The following TBC1D8B variants were observed in gnomAD, a reference collection of about 807,000 sequenced individuals.
TBC1D8B encodes TBC1 domain family member 8B, also known as RP11-321G1.1.
A neutral mutation model predicts 82.9 loss-of-function variants in TBC1D8B; 75 were observed. That is an observed-to-expected ratio of 0.90 (90% CI 0.75 to 1.10). TBC1D8B has a LOEUF of 1.10. Ranked by LOEUF, TBC1D8B falls within the 50% of genes least tolerant of loss-of-function variation. TBC1D8B has a pLI of 0.00. For synonymous variants in TBC1D8B, 276 were observed against 276.8 expected (o/e 1.00, Z 0.03); for missense variants, 794 against 796.9 (o/e 1.00, Z 0.04).
chrX:106,849,131 C>T, intron 11 of TBC1D8B: 1 of 716,885 alleles, frequency 1.4e-6, no homozygotes, highest in Non-Finnish European at 2.0e-6. Context: ...TACCTTAAAA[C>T]TTATGAATGG....
intron 7 of TBC1D8B, chrX:106,829,466 A>T (rs1308831099): frequency 9.0e-6 from 1 of 110,781 alleles, no homozygotes; most frequent in African/African-American, 3.3e-5. Context: ...ATGGAACCAA[A>T]AAAGAGCCTG....
chrX:106,851,662 A>G (rs1309570875), intron 12 of TBC1D8B, among the ~76,000 whole-genome samples: 4 of 108,065 alleles, frequency 3.7e-5, no homozygotes, highest in South Asian at 4.2e-4. Flanking sequence ...AGAACATGCG[A>G]TGTTTCATTT....
intron 1 of TBC1D8B, among the ~76,000 whole-genome samples, chrX:106,808,065 TAAC>T (rs1473338419): frequency 9.1e-6 from 1 of 109,413 alleles, no homozygotes; most frequent in Non-Finnish European, 1.9e-5. Flanking sequence ...ATAATAATAA[TAAC>T]AATAATAATA....
chrX:106,864,452 G>A (rs189173795), intron 14 of TBC1D8B, among the ~76,000 whole-genome samples: 134 of 106,147 alleles, frequency 1.3e-3, no homozygotes, highest in African/African-American at 4.4e-3. Flanking sequence ...CCCTCCATAA[G>A]AGAGCAGCAC....
chrX:106,857,409 T>G (rs1401598279), intron 14 of TBC1D8B, among the ~76,000 whole-genome samples: 1 of 111,978 alleles, frequency 8.9e-6, no homozygotes, highest in Non-Finnish European at 1.9e-5. Flanking sequence ...CGCCTCAGCC[T>G]CCCGAAGTGC....
At chrX:106,848,816 C>T (rs1469334071) in intron 11 of TBC1D8B, among the ~76,000 whole-genome samples, 2 of 110,436 alleles carry the variant, frequency 1.8e-5, no homozygotes, top group African/African-American at 3.3e-5. Flanking sequence ...CTTGCTCTGT[C>T]GCCCAGGCTG....
At chrX:106,832,747 T>C (rs568606494) in intron 7 of TBC1D8B, among the ~76,000 whole-genome samples, 1 of 111,815 alleles carries the variant, frequency 8.9e-6, no homozygotes, top group African/African-American at 3.2e-5. Context: ...AGTTATTATC[T>C]TAATAAGATA....
intron 3 of TBC1D8B, 33 bp downstream of exon 3, chrX:106,821,028 T>G (rs200233878): frequency 1.4e-4 from 125 of 875,209 alleles, no homozygotes; most frequent in Non-Finnish European, 1.9e-4. Flanking sequence ...GTAGATGGAG[T>G]GCCAAAACCT....
At position 106,873,656 on chromosome X, in the gene TBC1D8B, T is replaced by C; in HGVS notation, c.3054T>C (p.Val1018=). 8.3e-7 allele frequency: 1 copy of C among 1,211,876 alleles called. No individual in the cohort carries two copies. The highest frequency in any genetic ancestry group is 1.1e-6 in the Non-Finnish European group (1 of 895,426). Residue 1018 remains valine, a synonymous_variant, in exon 21 of 21, where the codon GTT becomes GTC. Transcript: ENST00000357242. Reference sequence around the variant, plus strand: ...AATCATTATATCAAGCCATTGCTGTTGTAACCAGCCTTTTACTCAGGATGG... The same window carrying C: ...AATCATTATATCAAGCCATTGCTGTCGTAACCAGCCTTTTACTCAGGATGG... The part of the protein sequence containing the change: ...EEESLYQAIA[V]VTSLLLRMEE...
At chrX:106,862,765 GGTTTTTTTTT>G (rs1932784618) in intron 14 of TBC1D8B, among the ~76,000 whole-genome samples, 1 of 86,865 alleles carries the variant, frequency 1.2e-5, no homozygotes, top group African/African-American at 4.4e-5. Flanking sequence ...CCTTTGGATG[GGTTTTTTTTT>G]GTTTTTTTTT....
chrX:106,845,762 T>C (rs2147757031), intron 10 of TBC1D8B, among the ~76,000 whole-genome samples: 1 of 111,126 alleles, frequency 9.0e-6, no homozygotes, highest in African/African-American at 3.3e-5. Context: ...CCCCCACTTT[T>C]CTTTTAACAC....
rs752674059 is a variant in TBC1D8B at position 106,850,139 on chromosome X, T to A, written c.1952T>A (p.Leu651His). ...TCCTCAGTTTCTCTCTCTTGGTTTC[T>A]CACACTTTTTATTAGTGTGCTACCT... ...FFSSVSLSWF[L>H]TLFISVLPIE... The change falls in exon 12 of 21, where the codon CTC (leucine) becomes CAC (histidine). Residue 651 changes from leucine to histidine, a missense_variant. Transcript: ENST00000357242. 8.3e-7 allele frequency: 1 copy of A among 1,211,629 alleles called. No homozygotes were observed. The highest frequency in any genetic ancestry group is 1.1e-6 in the Non-Finnish European group (1 of 895,417).
chrX:106,858,519 G>A lies in TBC1D8B; in HGVS notation c.2352+4223G>A, dbSNP rs763964230. On this transcript the variant is annotated intron_variant, in intron 14 of 20. Transcript: ENST00000357242. ...AATCTCCTGACCTTGTGATCCACCC[G>A]CCTCAGCCTCCCAAAGTGCTGGGAT... Among the ~76,000 whole-genome samples the A allele has an allele frequency of 1.1e-4, 12 of 112,161 alleles. No homozygotes were observed. In the East Asian group the frequency reaches 2.2e-3, roughly 21 times the overall value.
At chrX:106,808,823 G>C (rs374792436) in intron 1 of TBC1D8B, among the ~76,000 whole-genome samples, 1 of 111,446 alleles carries the variant, frequency 9.0e-6, no homozygotes, top group African/African-American at 3.3e-5. Context: ...TGCTGTTTGT[G>C]AACAGTTGTG....
intron 7 of TBC1D8B, among the ~76,000 whole-genome samples, chrX:106,834,589 C>T (rs1331291528): frequency 8.9e-6 from 1 of 111,771 alleles, no homozygotes; most frequent in Non-Finnish European, 1.9e-5. Flanking sequence ...TCCAAAGGCT[C>T]ATCTGAGATA....
intron 1 of TBC1D8B, chrX:106,814,775 T>C (rs1931488086): frequency 8.9e-6 from 1 of 112,236 alleles, no homozygotes; most frequent in South Asian, 3.7e-4. Flanking sequence ...GTGGTTTTGA[T>C]TTGCATTTCT....
intron 11 of TBC1D8B, 145 bp from the exon 12 acceptor site, chrX:106,849,880 T>C (rs1932550963): frequency 9.5e-7 from 1 of 1,057,570 alleles, no homozygotes; most frequent in African/African-American, 1.9e-5. Context: ...CAGTTAGATG[T>C]ATAAAATACA....
intron 17 of TBC1D8B, among the ~76,000 whole-genome samples, chrX:106,867,246 G>T (rs1932820784): frequency 9.0e-6 from 1 of 111,633 alleles, no homozygotes; most frequent in Non-Finnish European, 1.9e-5. Flanking sequence ...CAGAAAAATG[G>T]GACAAGGAAG....
chrX:106,809,861 G>A (rs894871272), intron 1 of TBC1D8B, among the ~76,000 whole-genome samples: 6 of 96,682 alleles, frequency 6.2e-5, no homozygotes, highest in African/African-American at 2.4e-4. Context: ...TCCAGCCTGG[G>A]TAACAAGAGT....
Sources: allele counts gnomAD v4.1 joint callset (sites outside exome capture counted in the v4.1 genomes callset), GRCh38; gene constraint gnomAD v4.1.1; transcripts MANE v1.5; gene names NCBI Gene and HGNC (gene_info 2026-07-23, HGNC 2026-07-21).